The following TMPRSS13 variants were observed in gnomAD, a reference collection of about 807,000 sequenced individuals.
TMPRSS13 encodes the protein transmembrane serine protease 13, also known as transmembrane protease serine 13.
TMPRSS13 carries 50 observed loss-of-function variants against 68.4 expected under a neutral mutation model. The ratio of observed to expected loss-of-function variants is 0.73; its 90% confidence interval spans 0.58 to 0.93. The LOEUF (loss-of-function observed/expected upper bound fraction) is 0.93, where lower values mean the gene tolerates loss of function less well. Among genes scored for constraint, TMPRSS13 ranks in the 40% least tolerant of loss-of-function variants. The pLI, the probability that TMPRSS13 is intolerant of heterozygous loss-of-function variation, is 0.00. For missense variants in TMPRSS13, 615 were observed against 729.2 expected, an observed-to-expected ratio of 0.84 and a Z score of 1.80; for synonymous variants, 267 against 285.8, an observed-to-expected ratio of 0.93 and a Z score of 0.66.
At chr11:117,908,874 C>T (rs1037295742) in intron 8 of TMPRSS13, 90 bp from the exon 9 acceptor site, 4 of 1,335,156 alleles carry the variant, frequency 3.0e-6, no homozygotes, top group Non-Finnish European at 3.0e-6. Flanking sequence ...ACAGTCAGAG[C>T]ACCAGCTTGG....
intron 1 of TMPRSS13, among the ~76,000 whole-genome samples, chr11:117,926,418 G>T (rs752354896): frequency 3.3e-5 from 5 of 152,186 alleles, no homozygotes; most frequent in Non-Finnish European, 7.4e-5. Context: ...TCTGGAAAGG[G>T]TGCCTTATCC....
At chr11:117,902,686 G>A (rs1237040714) in intron 12 of TMPRSS13, among the ~76,000 whole-genome samples, 1 of 152,232 alleles carries the variant, frequency 6.6e-6, no homozygotes, top group African/African-American at 2.4e-5. Context: ...TCACATCTCG[G>A]TCATCCCTGG....
rs759574490 is a variant in TMPRSS13 at position 117,917,231 on chromosome 11, C to T, written c.495G>A (p.Gln165=). 1 of 1,613,044 alleles carries T rather than the reference C, an allele frequency of 6.2e-7. No individual in the cohort carries two copies. The highest frequency in any genetic ancestry group is 2.2e-5 in the East Asian group (1 of 44,888). The change falls in exon 3 of 13, where the codon CAG becomes CAA. Residue 165 remains glutamine (Q), a synonymous_variant. Transcript: ENST00000524993. ...GGAGCACGCACCCGATGAGCGGTAG[C>T]TGCTTCTGGCCCTCCCGCCAGGTGA... ...PKFTWREGQK[Q]LPLIGCVLLL... is the part of the protein sequence containing the mutation.
At position 117,913,768 on chromosome 11, in the gene TMPRSS13, G is replaced by A. The variant is rs1191031691; in HGVS notation, c.809+9C>T. On this transcript the variant is annotated intron_variant, in intron 5 of 12. Coordinates refer to ENST00000524993, the MANE Select transcript of TMPRSS13 (RefSeq NM_001077263.3). ...GAAGCCTGGACTCTGGGGCCAGGTT[G>A]GGGGTTACCTCTCGAAACCCAGCTG... The A allele has an allele frequency of 6.2e-7, 1 of 1,613,526 alleles. No homozygotes were observed. Among genetic ancestry groups the A allele is most frequent in the Non-Finnish European group, 8.5e-7 (1 of 1,179,608 alleles).
In TMPRSS13 at chr11:117,901,900, C is replaced by G; in HGVS notation, c.*339G>C. ...GGGTCAGAGAAGCAAGAATTCCCAG[C>G]TCTTCCTTGGGCTCTGGGCTCCACC... On this transcript the variant is annotated 3_prime_UTR_variant, in exon 13 of 13. Transcript: ENST00000524993. 2.8e-6 allele frequency: 1 copy of G among 353,784 alleles called. No homozygotes were observed. The allele number at this position is 353,784 out of a possible 1,614,324, so 21.9% of individuals were successfully genotyped here.
chr11:117,922,507 C>T lies in TMPRSS13; in HGVS notation c.22-3669G>A, dbSNP rs112048745. On this transcript the variant is annotated intron_variant, in intron 1 of 12. Coordinates refer to ENST00000524993, the MANE Select transcript of TMPRSS13 (RefSeq NM_001077263.3). This position sits in a 1 kb window ranked among gnomAD's most constrained non-coding sequence, Gnocchi z 4.2. ...CCTCCCAAAGTGCTGGGATTACAGG[C>T]GTGAGCCACCGCGCCCAGCCGAGAC... Among the ~76,000 whole-genome samples, 5,602 of 152,234 alleles carry T rather than the reference C, an allele frequency of 0.037. 197 individuals are homozygous for T. The highest frequency in any genetic ancestry group is 0.17 in the East Asian group (902 of 5,168).
At position 117,917,203 on chromosome 11, in the gene TMPRSS13, G is replaced by T. The variant is rs539232204; in HGVS notation, c.523C>A (p.Leu175Ile). ...ATGAGCGAAACCACCAGGGCAATGA[G>T]GAGGAGCACGCACCCGATGAGCGGT... The part of the protein sequence containing the change: ...QLPLIGCVLL[L>I]IALVVSLIIL... The change falls in exon 3 of 13, where the codon CTC (leucine) becomes ATC (isoleucine). Residue 175 changes from leucine (L) to isoleucine (I), a missense_variant. By Grantham distance (5) the Leu-to-Ile change is conservative (BLOSUM62 2). Transcript: ENST00000524993. 14 of 1,612,954 alleles carry T rather than the reference G, an allele frequency of 8.7e-6. No homozygotes were observed. In the African/African-American group the frequency reaches 1.2e-4, roughly 14 times the overall value.
Position 117,902,102 on chromosome 11 carries a change from A to T in TMPRSS13, c.*137T>A. 2.2e-6 allele frequency: 2 copies of T among 911,488 alleles called. No homozygotes were observed. Among genetic ancestry groups the T allele is most frequent in the Non-Finnish European group, 3.5e-6 (2 of 578,814 alleles). The allele number at this position is 911,488 out of a possible 1,614,324, so 56.5% of individuals were successfully genotyped here. On this transcript the variant is annotated 3_prime_UTR_variant, in exon 13 of 13. Transcript: ENST00000524993. Reference sequence around the variant, plus strand: ...CACACACACACACACACACACACACACAGAGGCAGCAGACAGTGGAGGTGG... The same window carrying T: ...CACACACACACACACACACACACACTCAGAGGCAGCAGACAGTGGAGGTGG...
In TMPRSS13 at chr11:117,908,701, G is replaced by A; in HGVS notation, c.1193C>T (p.Ala398Val). ...LHQLPEAASI[A>V]EIIINSNYTD... ...GTAATTGCTGTTGATGATGATCTCG[G>A]CAATGGAGGCTGCCTCAGGCAACTG... Residue 398 changes from alanine to valine, a missense_variant, in exon 9 of 13, where the codon GCC becomes GTC. Transcript: ENST00000524993. The A allele has an allele frequency of 6.2e-7, 1 of 1,605,442 alleles. No homozygotes were observed. The highest frequency in any genetic ancestry group is 8.5e-7 in the Non-Finnish European group (1 of 1,176,934).
At chr11:117,905,794 G>A in intron 9 of TMPRSS13, 58 bp from the exon 10 acceptor site, 2 of 1,383,140 alleles carry the variant, frequency 1.4e-6, no homozygotes, top group South Asian at 1.2e-5. Flanking sequence ...TCAGTAGGGG[G>A]AGGGAGAAGG....
intron 1 of TMPRSS13, among the ~76,000 whole-genome samples, chr11:117,923,838 T>TTAAA (rs56359328): frequency 0.11 from 14,649 of 128,108 alleles, 1,360 homozygotes; most frequent in East Asian, 0.22. Flanking sequence ...GTATAATAAT[T>TTAAA]AAAAAAAAAA....
At position 117,914,626 on chromosome 11, in the gene TMPRSS13, C is replaced by T. The variant is rs953448390; in HGVS notation, c.557-112G>A. ...ACACCGACCTGCAATCCCTCTTGAA[C>T]TCTGGGGCTCTCATCCCCCATCTGT... On this transcript the variant is annotated intron_variant, in intron 3 of 12. Transcript: ENST00000524993. This position sits in a 1 kb window ranked among gnomAD's most constrained non-coding sequence, Gnocchi z 4.2. 2.6e-6 allele frequency: 4 copies of T among 1,529,670 alleles called. No homozygotes were observed. Among genetic ancestry groups the T allele is most frequent in the Non-Finnish European group, 3.5e-6 (4 of 1,139,300 alleles). The allele number at this position is 1,529,670 out of a possible 1,614,324, so 94.8% of individuals were successfully genotyped here. A position where few individuals can be genotyped will look rare whatever the true frequency, so the allele number is the denominator to read the frequency against.
intron 12 of TMPRSS13, chr11:117,903,393 A>T (rs2057427583): frequency 6.5e-7 from 1 of 1,534,900 alleles, no homozygotes. Flanking sequence ...CTGGGAGAAC[A>T]TCTGCCCAGC....
intron 7 of TMPRSS13, chr11:117,910,443 C>T (rs2057510634): frequency 2.1e-6 from 1 of 480,564 alleles, no homozygotes; most frequent in African/African-American, 1.9e-5. Context: ...GAATACACTT[C>T]CCCTGATGCA....
At chr11:117,917,882 C>G (rs958050614) in intron 2 of TMPRSS13, among the ~76,000 whole-genome samples, 2 of 152,152 alleles carry the variant, frequency 1.3e-5, no homozygotes, top group African/African-American at 4.8e-5. Context: ...AAGGGAAGAC[C>G]CAGTCCCCAA....
At position 117,926,152 on chromosome 11, in the gene TMPRSS13, G is replaced by A. The variant is rs1308851099; in HGVS notation, c.21+3135C>T. On this transcript the variant is annotated intron_variant, in intron 1 of 12. Coordinates refer to ENST00000524993, the MANE Select transcript of TMPRSS13 (RefSeq NM_001077263.3). ...GCAGGTGCCAGGGTCCTTGGAGGAC[G>A]AGGTGAGGGCTACACACCTGCAGGG... Among the ~76,000 whole-genome samples the A allele has an allele frequency of 4.3e-5, 6 of 140,418 alleles. No individual in the cohort carries two copies. The East Asian group carries it at 6.8e-4, about 16-fold the overall frequency. 92.1% of individuals were successfully genotyped at this position (140,418 alleles called of 152,430 possible). A position where few individuals can be genotyped will look rare whatever the true frequency, so the allele number is the denominator to read the frequency against.
intron 8 of TMPRSS13, 105 bp from the exon 9 acceptor site, chr11:117,908,889 AG>A (rs1369492327): frequency 1.7e-6 from 2 of 1,187,870 alleles, no homozygotes; most frequent in Non-Finnish European, 2.3e-6. Flanking sequence ...GCTTGGAGGC[AG>A]GAGGATGGAT....
intron 10 of TMPRSS13, among the ~76,000 whole-genome samples, chr11:117,904,710 G>A (rs1051839112): frequency 2.0e-5 from 3 of 151,750 alleles, no homozygotes; most frequent in Non-Finnish European, 4.4e-5. Context: ...CTGTGATTGG[G>A]ATGACATGAA....
In TMPRSS13 at chr11:117,902,270, G is replaced by A. The variant is rs1300123732; in HGVS notation, c.1678-5C>T. 6.2e-7 allele frequency: 1 copy of A among 1,613,476 alleles called. No individual in the cohort carries two copies. The highest frequency in any genetic ancestry group is 2.2e-5 in the East Asian group (1 of 44,884). On this transcript the variant is annotated splice_region_variant and splice_polypyrimidine_tract_variant and intron_variant, in intron 12 of 12. Coordinates refer to ENST00000524993, the MANE Select transcript of TMPRSS13 (RefSeq NM_001077263.3). Reference sequence around the variant, plus strand: ...TTTTCTGAATCGCACCTCGCTCTGAGGAAGAGAATGGGAGAAGAGGGTGAG... The same window carrying A: ...TTTTCTGAATCGCACCTCGCTCTGAAGAAGAGAATGGGAGAAGAGGGTGAG...
Sources: allele counts gnomAD v4.1 joint callset (sites outside exome capture counted in the v4.1 genomes callset), GRCh38; gene constraint gnomAD v4.1.1; non-coding constraint Gnocchi (gnomAD v3.1); transcripts MANE v1.5; gene names NCBI Gene and HGNC (gene_info 2026-07-23, HGNC 2026-07-21).